USP31: variants seen among roughly 807,000 people sequenced by gnomAD.
USP31 encodes ubiquitin specific peptidase 31.
A neutral mutation model predicts 119.4 loss-of-function variants in USP31; 44 were observed. That is an observed-to-expected ratio of 0.37 (90% CI 0.29 to 0.47). The LOEUF (loss-of-function observed/expected upper bound fraction) is 0.47, where lower values mean the gene tolerates loss of function less well. USP31 is among the 20% of genes least tolerant of loss of function. The probability of loss-of-function intolerance (pLI) is 0.99; values close to 1 mark genes in which losing one functional copy is unlikely to be tolerated. For synonymous variants in USP31, 749 were observed against 705.6 expected (o/e 1.06, Z -0.97); for missense variants, 1,643 against 1,730.2 (o/e 0.95, Z 0.89).
intron 1 of USP31, among the ~76,000 whole-genome samples, chr16:23,120,391 A>G (rs1902627028): frequency 6.6e-6 from 1 of 152,246 alleles, no homozygotes; most frequent in Non-Finnish European, 1.5e-5. Context: ...TTATATGTCA[A>G]TGATATCTCA....
At chr16:23,077,128 C>T (rs1327639381) in intron 13 of USP31, among the ~76,000 whole-genome samples, 2 of 152,196 alleles carry the variant, frequency 1.3e-5, no homozygotes, top group Non-Finnish European at 2.9e-5. Context: ...TAACTTTTGT[C>T]TTCTATGAAG....
rs1311187437 is a variant in USP31 at position 23,065,292 on chromosome 16, G to T, written c.*2754C>A. 6.8e-6 allele frequency: 1 copy of T among 146,252 alleles called. No individual in the cohort carries two copies. Among genetic ancestry groups the T allele is most frequent in the African/African-American group, 2.5e-5 (1 of 39,304 alleles). 9.1% of individuals were successfully genotyped at this position (146,252 alleles called of 1,614,324 possible). ...ATTTTTAACCCCAAAGCACATACAC[G>T]CTCATTGTGCTAAATATTGCTGGGA... On this transcript the variant is annotated 3_prime_UTR_variant, in exon 16 of 16. Transcript: ENST00000219689.
chr16:23,073,088 T>C (rs1034414137), intron 14 of USP31, among the ~76,000 whole-genome samples: 1 of 152,174 alleles, frequency 6.6e-6, no homozygotes, highest in Non-Finnish European at 1.5e-5. Context: ...GTCCACTTGT[T>C]TGGATTATGT....
chr16:23,126,693 C>T (rs1333796197), intron 1 of USP31, among the ~76,000 whole-genome samples: 1 of 151,858 alleles, frequency 6.6e-6, no homozygotes, highest in Non-Finnish European at 1.5e-5. Flanking sequence ...ATACCTCTGT[C>T]TCCAACTATA....
Position 23,148,756 on chromosome 16 carries a change from G to C in USP31, c.515C>G (p.Pro172Arg), listed in dbSNP as rs2141910415. The C allele has an allele frequency of 1.3e-6, 2 of 1,513,938 alleles. No individual in the cohort carries two copies. Among genetic ancestry groups the C allele is most frequent in the East Asian group, 2.7e-5 (1 of 36,646 alleles). 93.8% of individuals were successfully genotyped at this position (1,513,938 alleles called of 1,614,324 possible). The change falls in exon 1 of 16, where the codon CCG becomes CGG. Residue 172 changes from proline to arginine, a missense_variant. This residue lies in a region of USP31 where 302 missense variants were observed against 262.6 expected (regional missense o/e 1.15). Coordinates refer to ENST00000219689, the MANE Select transcript of USP31 (RefSeq NM_020718.4). Reference sequence around the variant, plus strand: ...CGCGCCGCGGCCCGCAGGCTGCTCCGGGTCAGGCGAGGGCTCGGGCCGCCC... The same window carrying C: ...CGCGCCGCGGCCCGCAGGCTGCTCCCGGTCAGGCGAGGGCTCGGGCCGCCC... ...RAGRPEPSPD[P>R]EQPAGRGAQG...
intron 2 of USP31, 84 bp downstream of exon 2, chr16:23,107,948 CAATTTCATTGTATT>C: frequency 1.4e-6 from 2 of 1,406,482 alleles, no homozygotes; most frequent in Non-Finnish European, 1.9e-6. Flanking sequence ...AGAGCTTAGT[CAATTTCATTGTATT>C]AACGCAATGC....
chr16:23,093,825 A>G (rs1901478739), intron 6 of USP31, among the ~76,000 whole-genome samples: 1 of 152,232 alleles, frequency 6.6e-6, no homozygotes, highest in Non-Finnish European at 1.5e-5. Context: ...TGGTACATGC[A>G]TATGTATGTA....
At chr16:23,132,986 G>C (rs922030962) in intron 1 of USP31, among the ~76,000 whole-genome samples, 3 of 152,118 alleles carry the variant, frequency 2.0e-5, no homozygotes, top group South Asian at 4.2e-4. Context: ...TCAGAAGAAA[G>C]CAGCAAGAGA....
chr16:23,120,386 T>C lies in USP31; in HGVS notation c.634-12203A>G, dbSNP rs575867440. Among the ~76,000 whole-genome samples, 7 of 152,364 alleles carry C rather than the reference T, an allele frequency of 4.6e-5. No homozygotes were observed. In the South Asian group the frequency reaches 1.0e-3, roughly 23 times the overall value. The stretch of plus-strand genomic sequence containing the variant: ...ACTTTAAATATACACAATTTTTATA[T>C]GTCAATGATATCTCAGGCTGTTTAA... On this transcript the variant is annotated intron_variant, in intron 1 of 15. Coordinates refer to ENST00000219689, the MANE Select transcript of USP31 (RefSeq NM_020718.4).
intron 1 of USP31, among the ~76,000 whole-genome samples, chr16:23,143,755 G>T (rs1903424441): frequency 6.6e-6 from 1 of 152,132 alleles, no homozygotes; most frequent in African/African-American, 2.4e-5. Context: ...TAGTAAGGGG[G>T]GCTGTCCTGC....
At chr16:23,132,582 CTA>C (rs1224378592) in intron 1 of USP31, among the ~76,000 whole-genome samples, 9 of 152,154 alleles carry the variant, frequency 5.9e-5, no homozygotes, top group African/African-American at 2.2e-4. Flanking sequence ...GGAAAAGCAT[CTA>C]TATGATTACA....
chr16:23,103,423 C>A (rs1359861755), intron 5 of USP31, among the ~76,000 whole-genome samples: 1 of 151,994 alleles, frequency 6.6e-6, no homozygotes, highest in East Asian at 1.9e-4. Context: ...ATGCAAAAAT[C>A]TAAGTAAATA....
At chr16:23,090,426 A>C (rs978811080) in intron 7 of USP31, among the ~76,000 whole-genome samples, 198 bp downstream of exon 7, 5 of 151,846 alleles carry the variant, frequency 3.3e-5, no homozygotes, top group Non-Finnish European at 5.9e-5. Flanking sequence ...ACAACAACAA[A>C]AAACCCCAGA....
intron 2 of USP31, among the ~76,000 whole-genome samples, chr16:23,107,207 T>C (rs1902145267): frequency 6.6e-6 from 1 of 152,144 alleles, no homozygotes; most frequent in Non-Finnish European, 1.5e-5. Context: ...ACACTCTACT[T>C]CATGTTGTAT....
chr16:23,122,259 T>C (rs1902696577), intron 1 of USP31, among the ~76,000 whole-genome samples: 1 of 152,034 alleles, frequency 6.6e-6, no homozygotes, highest in Non-Finnish European at 1.5e-5. Context: ...AAAACCACAA[T>C]GAGATACCAC....
At chr16:23,105,601 C>T (rs1366180751) in intron 4 of USP31, 25 bp from the exon 5 acceptor site, 1 of 1,513,126 alleles carries the variant, frequency 6.6e-7, no homozygotes, top group Non-Finnish European at 8.9e-7. Flanking sequence ...GTCAGATCTT[C>T]TCATTAGTCA....
chr16:23,080,300 T>C (rs957501686), intron 12 of USP31, 129 bp from the exon 13 acceptor site: 1 of 762,332 alleles, frequency 1.3e-6, no homozygotes. Context: ...TCCCAAGACA[T>C]ACAAATCAGG....
chr16:23,080,883 G>A, intron 12 of USP31, among the ~76,000 whole-genome samples: 1 of 152,226 alleles, frequency 6.6e-6, no homozygotes, highest in East Asian at 1.9e-4. Flanking sequence ...GGGTGGTCAG[G>A]AAGGCCAGCC....
At chr16:23,109,980 A>G (rs1325934120) in intron 1 of USP31, among the ~76,000 whole-genome samples, 1 of 152,136 alleles carries the variant, frequency 6.6e-6, no homozygotes, top group Non-Finnish European at 1.5e-5. Flanking sequence ...ATCCCATGGG[A>G]GCCTGGAACA....
Sources: gnomAD v4.1 joint callset for allele counts (sites outside exome capture counted in the v4.1 genomes callset) on GRCh38, gnomAD v4.1.1 for gene constraint, gnomAD v4.1.1 regional missense constraint, MANE v1.5 for transcripts, NCBI Gene and HGNC (gene_info 2026-07-23, HGNC 2026-07-21) for gene names.